CD80: variants seen among roughly 807,000 people sequenced by gnomAD.
The protein encoded by CD80 is T-lymphocyte activation antigen CD80.
CD80 carries 13 observed loss-of-function variants against 27.1 expected under a neutral mutation model. That is an observed-to-expected ratio of 0.48 (90% CI 0.31 to 0.76). The LOEUF (loss-of-function observed/expected upper bound fraction) is 0.76. Among genes scored for constraint, CD80 ranks in the 30% least tolerant of loss-of-function variants. The pLI is 0.04. For missense variants in CD80, 277 were observed against 347.9 expected (o/e 0.80, Z 1.62); for synonymous variants, 125 against 125.5 (o/e 1.00, Z 0.03).
At chr3:119,527,907 A>G in intron 5 of CD80, 66 bp from the exon 6 acceptor site, 1 of 1,405,160 alleles carries the variant, frequency 7.1e-7, no homozygotes, top group Non-Finnish European at 1.0e-6. Flanking sequence ...CCATATGTTA[A>G]TATTTACTTT....
At chr3:119,545,921 G>C (rs1489807300) in intron 2 of CD80, among the ~76,000 whole-genome samples, 1 of 152,112 alleles carries the variant, frequency 6.6e-6, no homozygotes, top group African/African-American at 2.4e-5. Flanking sequence ...AATTTTCTGA[G>C]GAACCTCAAT....
At chr3:119,546,006 T>C (rs7433672) in intron 2 of CD80, among the ~76,000 whole-genome samples, 1 of 152,220 alleles carries the variant, frequency 6.6e-6, no homozygotes, top group South Asian at 2.1e-4. Context: ...AAACTAAATG[T>C]GATTGCATAA....
At chr3:119,527,986 C>G (rs1054953509) in intron 5 of CD80, 145 bp from the exon 6 acceptor site, 7 of 672,112 alleles carry the variant, frequency 1.0e-5, no homozygotes, top group African/African-American at 1.8e-5. Context: ...ACAATGCTCC[C>G]TCTTTACCTC....
chr3:119,537,226 A>G lies in CD80; in HGVS notation c.611T>C (p.Leu204Pro). 6.2e-7 allele frequency: 1 copy of G among 1,614,102 alleles called. No homozygotes were observed. ...GTGGTTGGTTGTCATATTGAAATCC[A>G]GTTTGCTGCTAACAGCATAGAGCTC... Reference protein sequence around the residue: ...ETELYAVSSKLDFNMTTNHSF... With the variant: ...ETELYAVSSKPDFNMTTNHSF... Residue 204 changes from leucine (L) to proline (P), a missense_variant, in exon 4 of 7, where the codon CTG becomes CCG. By Grantham distance (98) the Leu-to-Pro change is moderately conservative (BLOSUM62 -3). Coordinates refer to ENST00000264246, the MANE Select transcript of CD80 (RefSeq NM_005191.4).
intron 4 of CD80, among the ~76,000 whole-genome samples, chr3:119,534,801 T>A (rs1303540293): frequency 6.6e-6 from 1 of 152,178 alleles, no homozygotes; most frequent in Non-Finnish European, 1.5e-5. Context: ...AAAAGATGAC[T>A]GAGACTGGTA....
At chr3:119,528,453 A>C (rs561559914) in intron 5 of CD80, among the ~76,000 whole-genome samples, 47 of 152,326 alleles carry the variant, frequency 3.1e-4, no homozygotes, top group Admixed American at 8.5e-4. Flanking sequence ...TAGAACTAGC[A>C]GTTCCTCTTC....
In CD80 at chr3:119,537,451, T is replaced by C. The variant is rs769843934; in HGVS notation, c.419-33A>G. 16 of 1,382,220 alleles carry C rather than the reference T, an allele frequency of 1.2e-5. No homozygotes were observed. In the South Asian group the frequency reaches 1.7e-4, roughly 14 times the overall value. 85.6% of individuals were successfully genotyped at this position (1,382,220 alleles called of 1,614,324 possible). Reference sequence around the variant, plus strand: ...AAGAACAAGAATATATAATTACGTATAGTTACAAACCTATGTGTGTAGAGG... The same window carrying C: ...AAGAACAAGAATATATAATTACGTACAGTTACAAACCTATGTGTGTAGAGG... On this transcript the variant is annotated intron_variant, in intron 3 of 6. Coordinates refer to ENST00000264246, the MANE Select transcript of CD80 (RefSeq NM_005191.4).
intron 1 of CD80, among the ~76,000 whole-genome samples, chr3:119,558,138 A>G (rs1033200887): frequency 6.6e-6 from 1 of 152,158 alleles, no homozygotes; most frequent in African/African-American, 2.4e-5. Context: ...AAGGCTTTCT[A>G]CTTAATAGGT....
chr3:119,554,334 T>C (rs1269290462), intron 2 of CD80, among the ~76,000 whole-genome samples: 1 of 152,152 alleles, frequency 6.6e-6, no homozygotes, highest in Non-Finnish European at 1.5e-5. Context: ...TAGGCAATGC[T>C]TTTCCTACAT....
chr3:119,541,901 C>T (rs1229477476), intron 3 of CD80, among the ~76,000 whole-genome samples: 1 of 152,038 alleles, frequency 6.6e-6, no homozygotes, highest in Non-Finnish European at 1.5e-5. Flanking sequence ...TAGGGCCTGC[C>T]CCCCTTGAAA....
At chr3:119,552,668 C>T (rs1030681834) in intron 2 of CD80, among the ~76,000 whole-genome samples, 3 of 152,036 alleles carry the variant, frequency 2.0e-5, no homozygotes, top group East Asian at 1.9e-4. Context: ...AAAACCCCAT[C>T]GCTACAAAAA....
intron 3 of CD80, among the ~76,000 whole-genome samples, chr3:119,537,627 C>G (rs1369712450): frequency 6.6e-6 from 1 of 152,070 alleles, no homozygotes; most frequent in African/African-American, 2.4e-5. Context: ...CATGGCAAAA[C>G]CCCATCTCTA....
At chr3:119,531,655 T>TTATTTATG (rs2082112548) in intron 4 of CD80, among the ~76,000 whole-genome samples, 1 of 126,798 alleles carries the variant, frequency 7.9e-6, no homozygotes, top group Non-Finnish European at 1.7e-5. Context: ...TAAGTTTTAT[T>TTATTTATG]TATTTATTTA....
At chr3:119,555,902 G>A (rs1852211) in intron 2 of CD80, among the ~76,000 whole-genome samples, 27,470 of 152,114 alleles carry the variant, frequency 0.18, 2,670 homozygotes, top group Admixed American at 0.23. Flanking sequence ...CTTTGTCCAG[G>A]CTGTTGCCCT....
chr3:119,535,195 A>G (rs1438427540), intron 4 of CD80, among the ~76,000 whole-genome samples: 2 of 152,004 alleles, frequency 1.3e-5, no homozygotes, highest in East Asian at 3.8e-4. Flanking sequence ...CCGTCTCAAA[A>G]AAAAAAAAAA....
chr3:119,553,397 C>A (rs1250894965), intron 2 of CD80, among the ~76,000 whole-genome samples: 1 of 152,162 alleles, frequency 6.6e-6, no homozygotes, highest in Non-Finnish European at 1.5e-5. Flanking sequence ...ATCTCGGCCT[C>A]CCAAAATGCT....
At chr3:119,543,552 G>A (rs977251033) in intron 3 of CD80, among the ~76,000 whole-genome samples, 16 of 151,780 alleles carry the variant, frequency 1.1e-4, no homozygotes, top group African/African-American at 3.6e-4. Flanking sequence ...CGCCTCCCAG[G>A]TTCAAGTGAT....
chr3:119,557,620 G>A lies in CD80; in HGVS notation c.100+9C>T, dbSNP rs1424476993. ...AGTTGACTCAGTTAAGTTCCTGAAA[G>A]TTGCTTACCTGAACAGAAGTGAGAA... is the stretch of plus-strand genomic sequence containing the variant. On this transcript the variant is annotated intron_variant, in intron 2 of 6. Transcript: ENST00000264246. The A allele has an allele frequency of 1.6e-5, 25 of 1,607,942 alleles. No individual in the cohort carries two copies. Among genetic ancestry groups the A allele is most frequent in the Non-Finnish European group, 2.0e-5 (24 of 1,175,248 alleles).
Position 119,537,401 on chromosome 3 carries a change from T to C in CD80, c.436A>G (p.Ser146Gly), listed in dbSNP as rs755675898. The part of the protein sequence containing the change: ...LSVKADFPTP[S>G]ISDFEIPTSN... Reference sequence around the variant, plus strand: ...GTTGGAATTTCAAAGTCAGATATACTAGGTGTAGGGAAGTCAGCTAAAGAA... The same window carrying C: ...GTTGGAATTTCAAAGTCAGATATACCAGGTGTAGGGAAGTCAGCTAAAGAA... The change falls in exon 4 of 7, where the codon AGT becomes GGT. Residue 146 changes from serine to glycine, a missense_variant. By Grantham distance (56) the Ser-to-Gly change is moderately conservative (BLOSUM62 0). Transcript: ENST00000264246. 3.1e-6 allele frequency: 5 copies of C among 1,607,492 alleles called. No individual in the cohort carries two copies. Among genetic ancestry groups the C allele is most frequent in the Non-Finnish European group, 4.3e-6 (5 of 1,174,154 alleles).
Sources: allele counts gnomAD v4.1 joint callset (sites outside exome capture counted in the v4.1 genomes callset), GRCh38; gene constraint gnomAD v4.1.1; transcripts MANE v1.5; gene names NCBI Gene and HGNC (gene_info 2026-07-23, HGNC 2026-07-21).